SLIT3: variants seen among roughly 807,000 people sequenced by gnomAD.
SLIT3 encodes the protein slit homolog 3 protein.
Under a neutral mutation model 184.0 loss-of-function variants are expected in SLIT3, and 68 were observed. The ratio of observed to expected loss-of-function variants is 0.37; its 90% CI spans 0.30 to 0.45. The LOEUF (loss-of-function observed/expected upper bound fraction) is 0.45, where lower values mean the gene tolerates loss of function less well. Among genes scored for constraint, SLIT3 ranks in the 20% least tolerant of loss-of-function variants. The pLI is 1.00. For missense variants in SLIT3, 1,707 were observed against 2,026.0 expected, an observed-to-expected ratio of 0.84 and a Z score of 3.02; for synonymous variants, 831 against 828.6, an observed-to-expected ratio of 1.00 and a Z score of -0.05.
At chr5:168,897,646 G>GCGCGCGCGCGCGCACACACA in intron 4 of SLIT3, among the ~76,000 whole-genome samples, 3 of 105,446 alleles carry the variant, frequency 2.8e-5, no homozygotes, top group Non-Finnish European at 5.9e-5. Context: ...ACAGGTGCAC[G>GCGCGCGCGCGCGCACACACA]TACACACACA....
intron 4 of SLIT3, among the ~76,000 whole-genome samples, chr5:169,074,862 G>A (rs1328563543): frequency 2.6e-5 from 4 of 152,200 alleles, no homozygotes; most frequent in Non-Finnish European, 4.4e-5. Flanking sequence ...GGCTCCTGTG[G>A]CTCCAGAGCC....
intron 4 of SLIT3, among the ~76,000 whole-genome samples, chr5:169,164,560 T>G (rs796138150): frequency 1.6e-4 from 25 of 152,328 alleles, no homozygotes; most frequent in African/African-American, 6.0e-4. Context: ...TCCCATTCTC[T>G]CCGGGCTGTT....
chr5:168,663,743 C>G lies in SLIT3; in HGVS notation c.*2711G>C, dbSNP rs1389995334. The G allele has an allele frequency of 6.6e-6, 1 of 152,270 alleles. No individual in the cohort carries two copies. The highest frequency in any genetic ancestry group is 1.5e-5 in the Non-Finnish European group (1 of 68,108). The allele number at this position is 152,270 out of a possible 1,614,324, so 9.4% of individuals were successfully genotyped here. ...TCTCATTGCTTTTTAAAAGGCCACTCCCAGGAAAGTTCAATTCCCTTTCTC... is the reference window on the plus strand; with the variant it reads ...TCTCATTGCTTTTTAAAAGGCCACTGCCAGGAAAGTTCAATTCCCTTTCTC... On this transcript the variant is annotated 3_prime_UTR_variant, in exon 36 of 36. Transcript: ENST00000519560.
At chr5:168,992,337 C>T (rs1032189391) in intron 4 of SLIT3, among the ~76,000 whole-genome samples, 17 of 152,282 alleles carry the variant, frequency 1.1e-4, no homozygotes, top group East Asian at 3.9e-4. Flanking sequence ...TAATGACAGA[C>T]GCAAGGACCC....
At chr5:169,173,236 G>C (rs936627467) in intron 4 of SLIT3, among the ~76,000 whole-genome samples, 1 of 152,168 alleles carries the variant, frequency 6.6e-6, no homozygotes, top group Non-Finnish European at 1.5e-5. Flanking sequence ...ACTCCAGCAT[G>C]GGCAACAAGA....
intron 4 of SLIT3, among the ~76,000 whole-genome samples, chr5:169,006,199 C>T (rs1755919902): frequency 6.6e-6 from 1 of 152,242 alleles, no homozygotes; most frequent in Non-Finnish European, 1.5e-5. Context: ...TAACTACCAA[C>T]CAGCCTGGCC....
In SLIT3 at chr5:168,901,422, T is replaced by C. The variant is rs147740621; in HGVS notation, c.414-18086A>G. ...ATTGCACTTCTACCCCATAAGTTTA[T>C]ACAGATAATAATAAAAAGAATCTCC... On this transcript the variant is annotated intron_variant, in intron 4 of 35. Transcript: ENST00000519560. Among the ~76,000 whole-genome samples, 20 of 143,452 alleles carry C rather than the reference T, an allele frequency of 1.4e-4. No homozygotes were observed. The East Asian group carries it at 4.2e-3, about 30-fold the overall frequency. 94.1% of individuals were successfully genotyped at this position (143,452 alleles called of 152,430 possible). A position where few individuals can be genotyped will look rare whatever the true frequency, so the allele number is the denominator to read the frequency against.
chr5:168,693,297 A>G (rs2113255871), intron 28 of SLIT3, among the ~76,000 whole-genome samples: 1 of 152,346 alleles, frequency 6.6e-6, no homozygotes, highest in East Asian at 1.9e-4. Flanking sequence ...AAGGCTTAGC[A>G]GCCCAGTTCA....
At chr5:168,828,235 C>T (rs946625359) in intron 6 of SLIT3, among the ~76,000 whole-genome samples, 5 of 152,142 alleles carry the variant, frequency 3.3e-5, no homozygotes, top group South Asian at 2.1e-4. Flanking sequence ...CCTGCAATGC[C>T]GTGATGGAAT....
intron 1 of SLIT3, among the ~76,000 whole-genome samples, chr5:169,268,673 G>A (rs532758053): frequency 3.3e-5 from 5 of 152,136 alleles, no homozygotes; most frequent in African/African-American, 4.8e-5. Flanking sequence ...ATTACTACTC[G>A]TGTGTTTTGG....
In SLIT3 at chr5:168,823,403, CG is replaced by C. The variant is rs1561952466; in HGVS notation, c.558-73del. ...AGGCACCAAGATGCTTGTAGTAGGT[CG>C]GGGGAGGGATGGTTGTGACCGCAAG... On this transcript the variant is annotated intron_variant, in intron 6 of 35. Transcript: ENST00000519560. 1.2e-4 allele frequency: 126 copies of C among 1,088,798 alleles called. 2 individuals carry two copies. Among genetic ancestry groups the C allele is most frequent in the Non-Finnish European group, 1.1e-5 (8 of 702,684 alleles). 67.4% of individuals were successfully genotyped at this position (1,088,798 alleles called of 1,614,324 possible).
intron 5 of SLIT3, among the ~76,000 whole-genome samples, chr5:168,856,806 T>TGTGTGTGCGCGCGCGCGC (rs374432432): frequency 2.2e-5 from 3 of 137,740 alleles, no homozygotes; most frequent in African/African-American, 8.3e-5. Flanking sequence ...TGTGTGTGTG[T>TGTGTGTGCGCGCGCGCGC]GCGCGCGCGC....
At chr5:168,686,371 C>T (rs778892409) in intron 30 of SLIT3, among the ~76,000 whole-genome samples, 11 of 152,152 alleles carry the variant, frequency 7.2e-5, no homozygotes, top group Non-Finnish European at 1.3e-4. Flanking sequence ...CAAAATGTGG[C>T]GCATCCATCC....
intron 20 of SLIT3, among the ~76,000 whole-genome samples, chr5:168,729,957 T>C (rs891227882): frequency 3.9e-5 from 6 of 152,046 alleles, no homozygotes; most frequent in Admixed American, 3.9e-4. Flanking sequence ...ATGATCCAAC[T>C]ATATCCTGCC....
intron 6 of SLIT3, among the ~76,000 whole-genome samples, chr5:168,836,704 G>A (rs982260243): frequency 2.6e-5 from 4 of 152,068 alleles, no homozygotes; most frequent in South Asian, 2.1e-4. Flanking sequence ...ACGACTTGCC[G>A]ACTCCCCCTA....
chr5:168,989,741 A>G (rs1044930425), intron 4 of SLIT3, among the ~76,000 whole-genome samples: 1 of 152,170 alleles, frequency 6.6e-6, no homozygotes, highest in Non-Finnish European at 1.5e-5. Context: ...GAGAGAATGA[A>G]CAAGAAACGT....
chr5:169,044,764 G>C (rs1009824270), intron 4 of SLIT3, among the ~76,000 whole-genome samples: 1 of 152,118 alleles, frequency 6.6e-6, no homozygotes, highest in African/African-American at 2.4e-5. Context: ...AAGAAAAAAA[G>C]AAGGAAAAAA....
intron 1 of SLIT3, among the ~76,000 whole-genome samples, chr5:169,284,267 T>A (rs1767085098): frequency 6.6e-6 from 1 of 152,196 alleles, no homozygotes; most frequent in Admixed American, 6.5e-5. Context: ...AAAACTCAGC[T>A]GTGGATGTGT....
chr5:168,892,881 T>C (rs1426814361), intron 4 of SLIT3, among the ~76,000 whole-genome samples: 2 of 152,214 alleles, frequency 1.3e-5, no homozygotes, highest in African/African-American at 4.8e-5. Context: ...ACAAGGCAGT[T>C]AGTTACATTA....
Sources: gnomAD v4.1 joint callset for allele counts (sites outside exome capture counted in the v4.1 genomes callset) on GRCh38, gnomAD v4.1.1 for gene constraint, MANE v1.5 for transcripts, NCBI Gene and HGNC (gene_info 2026-07-23, HGNC 2026-07-21) for gene names.